The following SLX4 variants were observed in gnomAD, a reference collection of about 807,000 sequenced individuals.
SLX4 encodes the protein structure-specific endonuclease subunit SLX4.
In SLX4, 112 loss-of-function variants were observed where a neutral mutation model predicts 146.2. The ratio of observed to expected loss-of-function variants is 0.77; its 90% CI spans 0.66 to 0.90. The LOEUF (loss-of-function observed/expected upper bound fraction) is 0.90. SLX4 is among the 40% of genes least tolerant of loss of function. SLX4 has a pLI of 0.00. For synonymous variants in SLX4, 1,061 were observed against 997.7 expected (o/e 1.06, Z -1.20); for missense variants, 2,563 against 2,392.7 (o/e 1.07, Z -1.49).
chr16:3,598,919 G>A (rs1242102050), intron 5 of SLX4, among the ~76,000 whole-genome samples: 1 of 152,214 alleles, frequency 6.6e-6, no homozygotes. Context: ...CACTCTGGCC[G>A]GGGCATGCGT....
rs549139986 is a variant in SLX4, at chr16:3,591,025, C to T, written c.2613G>A (p.Ala871=). 3.2e-5 allele frequency: 52 copies of T among 1,614,210 alleles called. No homozygotes were observed. The highest frequency in any genetic ancestry group is 8.0e-5 in the African/African-American group (6 of 75,070). The part of the protein sequence containing the change: ...QRKLLQEERA[A]GAGEDADWLE... ...GCCAGTCAGCGTCCTCGCCGGCACC[C>T]GCTGCCCTTTCTTCCTGGAGAAGCT... Residue 871 remains alanine (A), a synonymous_variant, in exon 12 of 15, where the codon GCG becomes GCA. Coordinates refer to ENST00000294008, the MANE Select transcript of SLX4 (RefSeq NM_032444.4).
chr16:3,595,506 T>A, intron 9 of SLX4, 99 bp downstream of exon 9: 1 of 1,357,432 alleles, frequency 7.4e-7, no homozygotes, highest in Non-Finnish European at 1.0e-6. Context: ...CCACTGCACT[T>A]GCGTTGGGGG....
chr16:3,597,691 A>C lies in SLX4; in HGVS notation c.1371T>G (p.Asn457Lys), dbSNP rs74319927. 101,703 of 1,612,600 alleles carry C rather than the reference A, an allele frequency of 0.063. 3,436 individuals are homozygous for C. The highest frequency in any genetic ancestry group is 0.07 in the Admixed American group (4,182 of 59,974). The change falls in exon 7 of 15, where the codon AAT becomes AAG. Residue 457 changes from asparagine (N) to lysine (K), a missense_variant. Physicochemically the swap from Asn to Lys is moderately conservative, Grantham distance 94 (BLOSUM62 0). Transcript: ENST00000294008. This position sits in a 1 kb window ranked among gnomAD's most constrained non-coding sequence, Gnocchi z 4.4. ...CCGGGGGTTTCTTCTTGCGACTTTTATTCTCTAGAGAGAAACAAAAGCGAC... is the reference window on the plus strand; with the variant it reads ...CCGGGGGTTTCTTCTTGCGACTTTTCTTCTCTAGAGAGAAACAAAAGCGAC... The part of the protein sequence containing the change: ...FSERIRPEAE[N>K]KSRKKKPPVS...
At chr16:3,610,742 C>T (rs550781571) in intron 1 of SLX4, among the ~76,000 whole-genome samples, 25 of 152,286 alleles carry the variant, frequency 1.6e-4, no homozygotes, top group African/African-American at 6.0e-4. Flanking sequence ...TACTTTGCAA[C>T]CTCTTTGGCT....
chr16:3,591,444 A>C, intron 11 of SLX4, 134 bp from the exon 12 acceptor site: 1 of 1,333,262 alleles, frequency 7.5e-7, no homozygotes, highest in Non-Finnish European at 1.0e-6. Context: ...TTCCCTTTGA[A>C]GACGGTGTCC....
Position 3,591,156 on chromosome 16 carries a change from C to T in SLX4, c.2482G>A (p.Glu828Lys), listed in dbSNP as rs1245512542. 1 of 1,614,246 alleles carries T rather than the reference C, an allele frequency of 6.2e-7. No individual in the cohort carries two copies. The highest frequency in any genetic ancestry group is 1.1e-5 in the South Asian group (1 of 91,086). ...LLRSMWADEE[E>K]EAETLLKSKD... ...GATTTCAACAAAGTCTCCGCTTCCT[C>T]CTCTTCATCTGCCCACATTGACCTC... The change falls in exon 12 of 15, where the codon GAG becomes AAG. Residue 828 changes from glutamate (E) to lysine (K), a missense_variant. Transcript: ENST00000294008.
At chr16:3,604,151 G>C (rs1213913850) in intron 3 of SLX4, among the ~76,000 whole-genome samples, 1 of 150,682 alleles carries the variant, frequency 6.6e-6, no homozygotes, top group Non-Finnish European at 1.5e-5. Flanking sequence ...AGAATAGCTT[G>C]AACCTGGGAG....
At chr16:3,592,618 CCCT>C in intron 11 of SLX4, 78 bp downstream of exon 11, 5 of 1,497,742 alleles carry the variant, frequency 3.3e-6, no homozygotes, top group Non-Finnish European at 4.6e-6. Context: ...CAGCCCCGAG[CCCT>C]CTGCAGCACA....
intron 12 of SLX4, 31 bp from the exon 13 acceptor site, chr16:3,584,902 G>T: frequency 6.8e-7 from 1 of 1,461,460 alleles, no homozygotes; most frequent in Non-Finnish European, 9.6e-7. Context: ...ACACGTTTTA[G>T]CATGAGGGAC....
intron 5 of SLX4, among the ~76,000 whole-genome samples, chr16:3,599,228 T>C (rs1363812093): frequency 1.3e-5 from 2 of 152,172 alleles, no homozygotes; most frequent in Non-Finnish European, 2.9e-5. Flanking sequence ...CTCTGCCCTC[T>C]GCCATCTCAG....
At position 3,591,164 on chromosome 16, in the gene SLX4, T is replaced by C; in HGVS notation, c.2474A>G (p.Asp825Gly). Residue 825 changes from aspartate to glycine, a missense_variant, in exon 12 of 15, where the codon GAT becomes GGT. By Grantham distance (94) the Asp-to-Gly change is moderately conservative (BLOSUM62 -1). Transcript: ENST00000294008. The part of the protein sequence containing the change: ...FQELLRSMWA[D>G]EEEEAETLLK... ...CAAAGTCTCCGCTTCCTCCTCTTCA[T>C]CTGCCCACATTGACCTCAAGAGTTC... 4 of 1,614,234 alleles carry C rather than the reference T, an allele frequency of 2.5e-6. No individual in the cohort carries two copies. Among genetic ancestry groups the C allele is most frequent in the Non-Finnish European group, 3.4e-6 (4 of 1,180,048 alleles).
At chr16:3,609,985 T>A (rs190265546) in intron 1 of SLX4, among the ~76,000 whole-genome samples, 1 of 152,320 alleles carries the variant, frequency 6.6e-6, no homozygotes, top group Non-Finnish European at 1.5e-5. Flanking sequence ...GACATTATAT[T>A]CTCATGAACA....
Position 3,582,626 on chromosome 16 carries a change from T to G in SLX4, c.5221A>C (p.Ser1741Arg). The G allele has an allele frequency of 6.2e-7, 1 of 1,613,578 alleles. No individual in the cohort carries two copies. The highest frequency in any genetic ancestry group is 8.5e-7 in the Non-Finnish European group (1 of 1,180,032). ...AGEEEGEGEV[S>R]ASQAAVQAAD... Reference sequence around the variant, plus strand: ...GCCTGCACGGCTGCCTGCGAGGCACTGACCTCCCCCTCGCCCTCCTCTTCA... The same window carrying G: ...GCCTGCACGGCTGCCTGCGAGGCACGGACCTCCCCCTCGCCCTCCTCTTCA... The change falls in exon 15 of 15, where the codon AGT (serine) becomes CGT (arginine). Residue 1741 changes from serine to arginine, a missense_variant. Ser to Arg is a moderately radical substitution (Grantham distance 110, BLOSUM62 -1). Transcript: ENST00000294008.
chr16:3,593,708 CTGA>C (rs1484423376), intron 10 of SLX4, among the ~76,000 whole-genome samples: 1 of 152,220 alleles, frequency 6.6e-6, no homozygotes, highest in Non-Finnish European at 1.5e-5. Flanking sequence ...TTGACAAAGA[CTGA>C]GAATAGCTCC....
At chr16:3,585,540 C>T (rs1383604500) in intron 12 of SLX4, among the ~76,000 whole-genome samples, 6 of 140,140 alleles carry the variant, frequency 4.3e-5, no homozygotes, top group African/African-American at 1.3e-4. Context: ...GAGCCGAGAT[C>T]ACACCACTGC....
At position 3,589,878 on chromosome 16, in the gene SLX4, A is replaced by G. The variant is rs2151122872; in HGVS notation, c.3760T>C (p.Ser1254Pro). ...AGCGGGGTGGCGGGCACCAGCCACGAGGTGTCTGTGGTGCTGGCCTCGCTG... is the reference window on the plus strand; with the variant it reads ...AGCGGGGTGGCGGGCACCAGCCACGGGGTGTCTGTGGTGCTGGCCTCGCTG... ...SPSEASTTDT[S>P]WLVPATPLAS... is the part of the protein sequence containing the mutation. Residue 1254 changes from serine to proline, a missense_variant, in exon 12 of 15, where the codon TCG (serine) becomes CCG (proline). Transcript: ENST00000294008. This position sits in a 1 kb window ranked among gnomAD's most constrained non-coding sequence, Gnocchi z 6.2. 6.2e-7 allele frequency: 1 copy of G among 1,613,724 alleles called. No individual in the cohort carries two copies. The highest frequency in any genetic ancestry group is 1.1e-5 in the South Asian group (1 of 91,072).
At chr16:3,598,733 G>C (rs12148934) in intron 5 of SLX4, among the ~76,000 whole-genome samples, 3,609 of 152,296 alleles carry the variant, frequency 0.024, 63 homozygotes, top group Non-Finnish European at 0.036. Context: ...ATGCTCTCCA[G>C]GGTGCCAGGG....
In SLX4 at chr16:3,597,481, C is replaced by T; in HGVS notation, c.1581G>A (p.Gln527=). 1 of 1,614,042 alleles carries T rather than the reference C, an allele frequency of 6.2e-7. No individual in the cohort carries two copies. Among genetic ancestry groups the T allele is most frequent in the Non-Finnish European group, 8.5e-7 (1 of 1,180,018 alleles). Residue 527 remains glutamine (Q), a synonymous_variant, in exon 7 of 15, where the codon CAG becomes CAA. Coordinates refer to ENST00000294008, the MANE Select transcript of SLX4 (RefSeq NM_032444.4). The surrounding 1 kb of genome is among the most constrained non-coding windows in gnomAD (Gnocchi z 4.4). Reference sequence around the variant, plus strand: ...GTGCGCTGCCCTCCCACAGAAAGCTCTGCTTGCGTTCAGGTGGAGGAGGAC... The same window carrying T: ...GTGCGCTGCCCTCCCACAGAAAGCTTTGCTTGCGTTCAGGTGGAGGAGGAC... The part of the protein sequence containing the change: ...GQCPPPPERK[Q]SFLWEGSALT...
In SLX4 at chr16:3,589,569, G is replaced by A. The variant is rs775694333; in HGVS notation, c.4069C>T (p.Leu1357=). ...HPGGHPHSSP[L]APHPISGDRA... ...TCCCCTGAGATGGGATGTGGAGCCA[G>A]CGGAGAGGAGTGCGGGTGGCCCCCG... The change falls in exon 12 of 15, where the codon CTG becomes TTG. Residue 1357 remains leucine (L), a synonymous_variant. Transcript: ENST00000294008. The surrounding 1 kb of genome is among the most constrained non-coding windows in gnomAD (Gnocchi z 6.2). 5 of 1,612,996 alleles carry A rather than the reference G, an allele frequency of 3.1e-6. No homozygotes were observed. The African/African-American group carries it at 4.0e-5, about 13-fold the overall frequency.
Sources: gnomAD v4.1 joint callset for allele counts (sites outside exome capture counted in the v4.1 genomes callset) on GRCh38, gnomAD v4.1.1 for gene constraint, Gnocchi (gnomAD v3.1) non-coding constraint, MANE v1.5 for transcripts, NCBI Gene and HGNC (gene_info 2026-07-23, HGNC 2026-07-21) for gene names.